Variants in INPP5F observed in about 807,000 individuals in gnomAD.
The protein encoded by INPP5F is inositol polyphosphate-5-phosphatase F.
INPP5F carries 97 observed loss-of-function variants against 137.2 expected under a neutral mutation model. The ratio of observed to expected loss-of-function variants is 0.71; its 90% CI spans 0.60 to 0.84. The LOEUF (loss-of-function observed/expected upper bound fraction) is 0.84. INPP5F is among the 40% of genes least tolerant of loss of function. The pLI is 0.00. For synonymous variants in INPP5F, 504 were observed against 476.9 expected (o/e 1.06, Z -0.74); for missense variants, 1,271 against 1,371.9 (o/e 0.93, Z 1.16).
intron 1 of INPP5F, among the ~76,000 whole-genome samples, chr10:119,732,791 C>T (rs1321628340): frequency 4.6e-5 from 7 of 152,162 alleles, no homozygotes. Flanking sequence ...CGTGAGCCAC[C>T]GCAACTGGCC....
rs35384171 is a variant in INPP5F, at chr10:119,822,480, G to C, written c.2008G>C (p.Glu670Gln). Residue 670 changes from glutamate to glutamine, a missense_variant, in exon 17 of 20, where the codon GAA becomes CAA. Glu to Gln is a conservative substitution (Grantham distance 29, BLOSUM62 2). Around this residue, in one of 6 missense-constraint regions of INPP5F, gnomAD observed 593 missense variants for 712.4 expected, o/e 0.83. Coordinates refer to ENST00000650623, the MANE Select transcript of INPP5F (RefSeq NM_014937.4). ...KVNQYQRLSL[E>Q]NLEKIEIGPE... ...AAACCAGTATCAACGACTAAGTCTA[G>C]AAAACCTGGAAAAAATTGAAATAGG... 2 of 1,520,390 alleles carry C rather than the reference G, an allele frequency of 1.3e-6. No homozygotes were observed. Among genetic ancestry groups the C allele is most frequent in the Non-Finnish European group, 1.8e-6 (2 of 1,109,764 alleles). 94.2% of individuals were successfully genotyped at this position (1,520,390 alleles called of 1,614,324 possible).
chr10:119,792,310 T>A, intron 6 of INPP5F, 97 bp downstream of exon 6: 1 of 821,866 alleles, frequency 1.2e-6, no homozygotes, highest in Non-Finnish European at 1.9e-6. Context: ...GTTTTTTAAT[T>A]ATATTAAGAT....
chr10:119,780,635 C>T (rs750001404), intron 2 of INPP5F, among the ~76,000 whole-genome samples: 14 of 152,156 alleles, frequency 9.2e-5, no homozygotes, highest in Non-Finnish European at 1.9e-4. Context: ...TATGTACAGT[C>T]GGCCCTGTGT....
At chr10:119,811,435 C>G (rs563136683) in intron 14 of INPP5F, among the ~76,000 whole-genome samples, 2 of 152,196 alleles carry the variant, frequency 1.3e-5, no homozygotes, top group East Asian at 3.9e-4. Flanking sequence ...ATTGCCTTAT[C>G]TTTTTATTAT....
At chr10:119,765,799 T>C (rs1168696637) in intron 2 of INPP5F, among the ~76,000 whole-genome samples, 2 of 147,972 alleles carry the variant, frequency 1.4e-5, no homozygotes, top group African/African-American at 4.9e-5. Flanking sequence ...TGTATATATA[T>C]ACTATATAGA....
intron 16 of INPP5F, among the ~76,000 whole-genome samples, chr10:119,821,433 T>A (rs1374952168): frequency 6.6e-6 from 1 of 152,092 alleles, no homozygotes; most frequent in Admixed American, 6.5e-5. Flanking sequence ...GTCAGATTGA[T>A]CTCCAGAAAG....
At chr10:119,781,528 G>T in intron 2 of INPP5F, 107 bp from the exon 3 acceptor site, 1 of 933,914 alleles carries the variant, frequency 1.1e-6, no homozygotes, top group Non-Finnish European at 1.5e-6. Context: ...GTTTATTTTG[G>T]ATGCACACTT....
Position 119,783,332 on chromosome 10 carries a change from C to T in INPP5F, c.315+1561C>T, listed in dbSNP as rs1050057932. Among the ~76,000 whole-genome samples the T allele has an allele frequency of 4.6e-5, 7 of 152,160 alleles. 1 individual carries two copies. The East Asian group carries it at 1.2e-3, about 25-fold the overall frequency. On this transcript the variant is annotated intron_variant, in intron 3 of 19. Coordinates refer to ENST00000650623, the MANE Select transcript of INPP5F (RefSeq NM_014937.4). ...CAGACCTTTCCCTTGAGGGTGGGCA[C>T]CCCTTTGGCCTGGCATTCAGGTTTG... is the stretch of plus-strand genomic sequence containing the variant.
At chr10:119,780,391 A>G (rs1849662927) in intron 2 of INPP5F, among the ~76,000 whole-genome samples, 1 of 152,064 alleles carries the variant, frequency 6.6e-6, no homozygotes, top group Non-Finnish European at 1.5e-5. Context: ...CTGGGGCAAC[A>G]TGGCAAAACC....
At chr10:119,730,792 C>CT (rs35073468) in intron 1 of INPP5F, among the ~76,000 whole-genome samples, 1 of 145,048 alleles carries the variant, frequency 6.9e-6, no homozygotes, top group African/African-American at 2.5e-5. Context: ...TCCCAGTGAA[C>CT]TTTTTTTTTT....
Position 119,808,263 on chromosome 10 carries a change from C to T in INPP5F, c.1569+203C>T, listed in dbSNP as rs369906395. Among the ~76,000 whole-genome samples, 14 of 152,238 alleles carry T rather than the reference C, an allele frequency of 9.2e-5. No individual in the cohort carries two copies. The East Asian group carries it at 2.5e-3, about 27-fold the overall frequency. ...TCAGAGGGAGAGGGGGCTGTGTGGG[C>T]CTGAGGAGGAGTGTGTGCTCTCTCT... On this transcript the variant is annotated intron_variant, in intron 13 of 19. Coordinates refer to ENST00000650623, the MANE Select transcript of INPP5F (RefSeq NM_014937.4).
intron 1 of INPP5F, among the ~76,000 whole-genome samples, chr10:119,738,022 A>G (rs1042267234): frequency 6.6e-6 from 1 of 152,154 alleles, no homozygotes; most frequent in African/African-American, 2.4e-5. Context: ...TGAGTGACTC[A>G]TGCTCTGTGC....
rs150134182 is a variant in INPP5F, at chr10:119,827,427, G to A, written c.3046G>A (p.Val1016Ile). The A allele has an allele frequency of 6.2e-7, 1 of 1,614,190 alleles. No individual in the cohort carries two copies. Among genetic ancestry groups the A allele is most frequent in the South Asian group, 1.1e-5 (1 of 91,084 alleles). Reference protein sequence around the residue: ...QTPSRPSQLDVSLSATGPQFL... With the variant: ...QTPSRPSQLDISLSATGPQFL... The stretch of plus-strand genomic sequence containing the variant: ...ACCTTCTCGGCCATCGCAATTAGAT[G>A]TCTCTCTTTCTGCAACAGGCCCACA... The change falls in exon 20 of 20, where the codon GTC (valine) becomes ATC (isoleucine). Residue 1016 changes from valine (V) to isoleucine (I), a missense_variant. Coordinates refer to ENST00000650623, the MANE Select transcript of INPP5F (RefSeq NM_014937.4).
Position 119,751,822 on chromosome 10 carries a change from G to A in INPP5F, c.178+666G>A, listed in dbSNP as rs866709320. On this transcript the variant is annotated intron_variant, in intron 2 of 19. Transcript: ENST00000650623. The stretch of plus-strand genomic sequence containing the variant: ...GGGAGCTTTTTAAAATTAGAGATGG[G>A]TTCTTGCTACGTTGCCCAGACTGGT... Among the ~76,000 whole-genome samples, 13 of 152,120 alleles carry A rather than the reference G, an allele frequency of 8.5e-5. No homozygotes were observed. In the South Asian group the frequency reaches 1.5e-3, roughly 17 times the overall value.
chr10:119,727,866 G>A (rs1338213693), intron 1 of INPP5F, among the ~76,000 whole-genome samples: 1 of 152,140 alleles, frequency 6.6e-6, no homozygotes, highest in Non-Finnish European at 1.5e-5. Context: ...TTTGGGTAAG[G>A]CTTCAGTACA....
intron 18 of INPP5F, 36 bp from the exon 19 acceptor site, chr10:119,823,779 T>G: frequency 2.0e-6 from 3 of 1,521,614 alleles, no homozygotes; most frequent in Non-Finnish European, 2.7e-6. Flanking sequence ...AGTATGTTTA[T>G]GGAGAAATTG....
chr10:119,798,058 T>C (rs1044133140), intron 8 of INPP5F, among the ~76,000 whole-genome samples: 3 of 152,118 alleles, frequency 2.0e-5, no homozygotes, highest in Non-Finnish European at 4.4e-5. Context: ...TTTGTTTTTC[T>C]TTTTTAATCG....
chr10:119,794,261 A>C (rs1376050857), intron 6 of INPP5F, among the ~76,000 whole-genome samples: 1 of 152,086 alleles, frequency 6.6e-6, no homozygotes, highest in African/African-American at 2.4e-5. Context: ...TTAACAAAGC[A>C]CATCTTGCAC....
chr10:119,811,875 CTTACAAAG>C lies in INPP5F; in HGVS notation c.1812_1819del (p.Gln604HisfsTer7). The C allele has an allele frequency of 6.2e-7, 1 of 1,614,176 alleles. No homozygotes were observed. Among genetic ancestry groups the C allele is most frequent in the Non-Finnish European group, 8.5e-7 (1 of 1,180,010 alleles). ...GCCACCAGGAACTAATTAGCCAGCT[CTTACAAAG>C]TTACATGAAGTTACTACTGCCTGAT... On this transcript the variant is annotated frameshift_variant, in exon 15 of 20. Coordinates refer to ENST00000650623, the MANE Select transcript of INPP5F (RefSeq NM_014937.4). LOFTEE classifies it high-confidence loss of function.
Sources: gnomAD v4.1 joint callset for allele counts (sites outside exome capture counted in the v4.1 genomes callset) on GRCh38, gnomAD v4.1.1 for gene constraint, gnomAD v4.1.1 regional missense constraint, MANE v1.5 for transcripts, NCBI Gene and HGNC (gene_info 2026-07-23, HGNC 2026-07-21) for gene names.